The following MRPL13 variants were observed in gnomAD, a reference collection of about 807,000 sequenced individuals.
The protein encoded by MRPL13 is mitochondrial ribosomal protein L13.
MRPL13 carries 33 observed loss-of-function variants against 29.0 expected under a neutral mutation model. The ratio of observed to expected loss-of-function variants is 1.14; its 90% CI spans 0.86 to 1.52. The LOEUF (loss-of-function observed/expected upper bound fraction) is 1.52. Ranked by LOEUF, MRPL13 falls within the 40% of genes most tolerant of loss-of-function variation. The pLI is 0.00. For synonymous variants in MRPL13, 77 were observed against 68.4 expected (o/e 1.13, Z -0.62); for missense variants, 227 against 216.7 (o/e 1.05, Z -0.30).
intron 2 of MRPL13, among the ~76,000 whole-genome samples, chr8:120,432,778 A>G (rs772247672): frequency 1.3e-4 from 20 of 152,078 alleles, no homozygotes; most frequent in Non-Finnish European, 2.8e-4. Context: ...TTCATTTTCT[A>G]TCCCTAAGTT....
At chr8:120,416,632 T>G (rs1377094901) in intron 5 of MRPL13, among the ~76,000 whole-genome samples, 1 of 152,192 alleles carries the variant, frequency 6.6e-6, no homozygotes, top group Non-Finnish European at 1.5e-5. Context: ...ACTTTTTACT[T>G]TAGAAAAATT....
At chr8:120,420,469 C>CATATATAAATATATATAAAAT (rs887958368) in intron 4 of MRPL13, among the ~76,000 whole-genome samples, 1 of 145,884 alleles carries the variant, frequency 6.9e-6, no homozygotes, top group Non-Finnish European at 1.5e-5. Flanking sequence ...TATATATAAA[C>CATATATAAATATATATAAAAT]ATATATAAAT....
At chr8:120,428,168 A>G (rs1812954808) in intron 3 of MRPL13, among the ~76,000 whole-genome samples, 2 of 151,778 alleles carry the variant, frequency 1.3e-5, no homozygotes, top group East Asian at 3.9e-4. Flanking sequence ...ACACCAGTGG[A>G]AAAAAACCCA....
At chr8:120,434,938 TC>T (rs1813036091) in intron 2 of MRPL13, among the ~76,000 whole-genome samples, 1 of 152,146 alleles carries the variant, frequency 6.6e-6, no homozygotes. Flanking sequence ...TAATTATAGA[TC>T]CCTCACATAG....
chr8:120,425,240 G>C lies in MRPL13; in HGVS notation c.306+66C>G, dbSNP rs902022485. The C allele has an allele frequency of 6.6e-6, 8 of 1,220,552 alleles. No individual in the cohort carries two copies. In the African/African-American group the frequency reaches 1.2e-4, roughly 18 times the overall value. The allele number at this position is 1,220,552 out of a possible 1,614,324, so 75.6% of individuals were successfully genotyped here. A position where few individuals can be genotyped will look rare whatever the true frequency, so the allele number is the denominator to read the frequency against. ...ACTATATTAAAATAATGAGAAGGGA[G>C]ACTGACAAAACAGTATCTGAATTGG... On this transcript the variant is annotated intron_variant, in intron 4 of 6. Coordinates refer to ENST00000306185, the MANE Select transcript of MRPL13 (RefSeq NM_014078.6).
At chr8:120,399,745 C>A (rs1429385451) in intron 6 of MRPL13, among the ~76,000 whole-genome samples, 5 of 151,964 alleles carry the variant, frequency 3.3e-5, no homozygotes, top group South Asian at 2.1e-4. Context: ...CTTCAAGGGA[C>A]CCATCTCATG....
At chr8:120,397,241 A>G (rs1373064080) in intron 6 of MRPL13, among the ~76,000 whole-genome samples, 1 of 152,104 alleles carries the variant, frequency 6.6e-6, no homozygotes, top group Non-Finnish European at 1.5e-5. Context: ...TTGGCAGAGC[A>G]GTTGCTCAGG....
intron 5 of MRPL13, among the ~76,000 whole-genome samples, chr8:120,416,480 C>G (rs981977263): frequency 1.3e-5 from 2 of 151,942 alleles, no homozygotes; most frequent in Non-Finnish European, 2.9e-5. Flanking sequence ...GGTGACAGAG[C>G]GAGACTCCGT....
intron 2 of MRPL13, among the ~76,000 whole-genome samples, chr8:120,435,245 A>G (rs1813040165): frequency 6.6e-6 from 1 of 152,150 alleles, no homozygotes; most frequent in East Asian, 1.9e-4. Context: ...GTTCAGGGGT[A>G]AATGTACAGG....
At chr8:120,412,400 T>TA (rs781267994) in intron 6 of MRPL13, among the ~76,000 whole-genome samples, 44 of 152,212 alleles carry the variant, frequency 2.9e-4, no homozygotes, top group Non-Finnish European at 6.0e-4. Flanking sequence ...ATTAAAAACT[T>TA]AGTCAACACT....
chr8:120,413,645 T>C (rs1812767386), intron 6 of MRPL13, among the ~76,000 whole-genome samples: 1 of 152,184 alleles, frequency 6.6e-6, no homozygotes, highest in Admixed American at 6.5e-5. Flanking sequence ...CATTAGATAA[T>C]ATTTTTAACT....
rs1045286841 is a variant in MRPL13 at position 120,414,113 on chromosome 8, CTACATTAAAAAAAAAT to C, written c.394-17_394-2del. On this transcript the variant is annotated splice_acceptor_variant and splice_polypyrimidine_tract_variant and intron_variant, in intron 5 of 6. Transcript: ENST00000306185. LOFTEE classifies it high-confidence loss of function. ...TCTTAAGAATATCTTCTGGAATATA[CTACATTAAAAAAAAAT>C]TTAGACTTAATTTTCTTAAAATATC... 6.5e-7 allele frequency: 1 copy of C among 1,535,456 alleles called. No individual in the cohort carries two copies. The highest frequency in any genetic ancestry group is 2.3e-5 in the Admixed American group (1 of 43,430).
chr8:120,423,670 T>G (rs1812899237), intron 4 of MRPL13, among the ~76,000 whole-genome samples: 1 of 151,808 alleles, frequency 6.6e-6, no homozygotes, highest in Non-Finnish European at 1.5e-5. Flanking sequence ...AAGCACAAAA[T>G]AAAGAAAACA....
At chr8:120,409,686 T>G (rs1008631530) in intron 6 of MRPL13, among the ~76,000 whole-genome samples, 16 of 152,202 alleles carry the variant, frequency 1.1e-4, no homozygotes, top group African/African-American at 3.6e-4. Flanking sequence ...TTCACAAAAT[T>G]TATGTATCCA....
At chr8:120,438,743 G>C (rs889197811) in intron 2 of MRPL13, among the ~76,000 whole-genome samples, 1 of 152,144 alleles carries the variant, frequency 6.6e-6, no homozygotes, top group Non-Finnish European at 1.5e-5. Context: ...ATAAGAAACA[G>C]GTGCCTAAGT....
intron 1 of MRPL13, 93 bp downstream of exon 1, chr8:120,444,975 G>A: frequency 6.4e-7 from 1 of 1,569,094 alleles, no homozygotes; most frequent in Non-Finnish European, 8.8e-7. Flanking sequence ...CGGCTTCCCT[G>A]CCGCCCCAGC....
intron 6 of MRPL13, among the ~76,000 whole-genome samples, chr8:120,406,476 C>T (rs116631101): frequency 1.4e-3 from 209 of 151,794 alleles, no homozygotes; most frequent in African/African-American, 4.9e-3. Context: ...CTGCTGTGGG[C>T]GCCGGGAATA....
chr8:120,404,988 T>C (rs1812647818), intron 6 of MRPL13, among the ~76,000 whole-genome samples: 2 of 152,160 alleles, frequency 1.3e-5, no homozygotes, highest in Admixed American at 6.5e-5. Context: ...CTGAGCACAG[T>C]ACAGAGTACA....
intron 3 of MRPL13, among the ~76,000 whole-genome samples, chr8:120,430,778 G>T (rs866733206): frequency 1.3e-5 from 2 of 152,202 alleles, no homozygotes; most frequent in African/African-American, 4.8e-5. Flanking sequence ...ACTACTGACA[G>T]GGACACTACC....
Sources: gnomAD v4.1 joint callset for allele counts (sites outside exome capture counted in the v4.1 genomes callset) on GRCh38, gnomAD v4.1.1 for gene constraint, MANE v1.5 for transcripts, NCBI Gene and HGNC (gene_info 2026-07-23, HGNC 2026-07-21) for gene names.